Variants in DYNC1H1 observed in about 807,000 individuals in gnomAD.
DYNC1H1 encodes the protein dynein cytoplasmic 1 heavy chain 1.
In DYNC1H1, 51 loss-of-function variants were observed where a neutral mutation model predicts 527.1. The ratio of observed to expected loss-of-function variants is 0.10; its 90% CI spans 0.08 to 0.12. DYNC1H1 has a LOEUF of 0.12. Among genes scored for constraint, DYNC1H1 ranks in the 10% least tolerant of loss-of-function variants. The pLI is 1.00. For missense variants in DYNC1H1, 2,771 were observed against 5,971.8 expected (o/e 0.46, Z 17.66); for synonymous variants, 2,189 against 2,278.8 (o/e 0.96, Z 1.12).
At position 101,994,222 on chromosome 14, in the gene DYNC1H1, C is replaced by G. The variant is rs1595605066; in HGVS notation, c.3054C>G (p.Phe1018Leu). ...VHYELTEEEKFYRNALTRMPD... is the reference protein window; with the variant it reads ...VHYELTEEEKLYRNALTRMPD... Reference sequence around the variant, plus strand: ...ACGAATTGACTGAGGAAGAGAAATTCTATCGGAATGCTTTAACACGGATGC... The same window carrying G: ...ACGAATTGACTGAGGAAGAGAAATTGTATCGGAATGCTTTAACACGGATGC... Residue 1018 changes from phenylalanine (F) to leucine (L), a missense_variant, in exon 12 of 78, where the codon TTC becomes TTG. Transcript: ENST00000360184. The G allele has an allele frequency of 6.2e-7, 1 of 1,614,222 alleles. No homozygotes were observed. The highest frequency in any genetic ancestry group is 1.6e-4 in the Middle Eastern group (1 of 6,062).
rs757793470 is a variant in DYNC1H1 at position 102,043,942 on chromosome 14, T to C, written c.12581T>C (p.Leu4194Ser). The stretch of plus-strand genomic sequence containing the variant: ...TTTCATGCGATCATCCAAGAACGCT[T>C]ACGATACGCACCACTGGGGTGGTCA... Reference protein sequence around the residue: ...AWFHAIIQERLRYAPLGWSKK... With the variant: ...AWFHAIIQERSRYAPLGWSKK... The change falls in exon 70 of 78, where the codon TTA (leucine) becomes TCA (serine). Residue 4194 changes from leucine (L) to serine (S), a missense_variant. Leu to Ser is a moderately radical substitution (Grantham distance 145). Transcript: ENST00000360184. 1.9e-6 allele frequency: 3 copies of C among 1,614,112 alleles called. No individual in the cohort carries two copies. The South Asian group carries it at 3.3e-5, about 18-fold the overall frequency.
In DYNC1H1 at chr14:102,018,603, A is replaced by T; in HGVS notation, c.8330A>T (p.Tyr2777Phe). The T allele has an allele frequency of 6.2e-7, 1 of 1,613,854 alleles. No homozygotes were observed. Residue 2777 changes from tyrosine (Y) to phenylalanine (F), a missense_variant, in exon 41 of 78, where the codon TAC (tyrosine) becomes TTC (phenylalanine). Tyr to Phe is a conservative substitution (Grantham distance 22). This residue lies in a region of DYNC1H1 where 163 missense variants were observed against 346.9 expected (regional missense o/e 0.47). Transcript: ENST00000360184. This position sits in a 1 kb window ranked among gnomAD's most constrained non-coding sequence, Gnocchi z 5.2. Reference protein sequence around the residue: ...EPLTAAMVEFYTMSQERFTQD... With the variant: ...EPLTAAMVEFFTMSQERFTQD... ...CTCACTGCTGCCATGGTGGAGTTCT[A>T]CACCATGTCTCAGGTACGCAGAGTT...
At position 102,018,489 on chromosome 14, in the gene DYNC1H1, C is replaced by T. The variant is rs866647743; in HGVS notation, c.8216C>T (p.Pro2739Leu). ...GTGCCTGTCGTGTATGTGGATTACC[C>T]GGGCCCCGCCTCCCTCACACAGATC... Reference protein sequence around the residue: ...RHVPVVYVDYPGPASLTQIYG... With the variant: ...RHVPVVYVDYLGPASLTQIYG... Residue 2739 changes from proline (P) to leucine (L), a missense_variant, in exon 41 of 78, where the codon CCG (proline) becomes CTG (leucine). By Grantham distance (98) the Pro-to-Leu change is moderately conservative (BLOSUM62 -3). Transcript: ENST00000360184. The surrounding 1 kb of genome is among the most constrained non-coding windows in gnomAD (Gnocchi z 5.2). 6.2e-7 allele frequency: 1 copy of T among 1,613,896 alleles called. No individual in the cohort carries two copies.
Position 102,036,215 on chromosome 14 carries a change from G to T in DYNC1H1, c.10755-274G>T. The T allele has an allele frequency of 2.4e-6, 1 of 419,620 alleles. No homozygotes were observed. The highest frequency in any genetic ancestry group is 4.5e-6 in the Non-Finnish European group (1 of 222,546). The allele number at this position is 419,620 out of a possible 1,614,324, so 26.0% of individuals were successfully genotyped here. A position where few individuals can be genotyped will look rare whatever the true frequency, so the allele number is the denominator to read the frequency against. ...TAACAGTGCAGGATGCTGAGAGGAT[G>T]ATTGTCCCAGAAGGAAAAAGATTTT... On this transcript the variant is annotated intron_variant, in intron 56 of 77. Transcript: ENST00000360184. The surrounding 1 kb of genome is among the most constrained non-coding windows in gnomAD (Gnocchi z 5.6).
chr14:102,039,585 AGCAGGGTGCT>A lies in DYNC1H1; in HGVS notation c.11595+42_11596-41del. The A allele has an allele frequency of 6.2e-7, 1 of 1,614,184 alleles. No homozygotes were observed. The highest frequency in any genetic ancestry group is 8.5e-7 in the Non-Finnish European group (1 of 1,180,028). On this transcript the variant is annotated intron_variant, in intron 61 of 77. Transcript: ENST00000360184. This position sits in a 1 kb window ranked among gnomAD's most constrained non-coding sequence, Gnocchi z 7.0. ...CTCAGCCGCTCCCTGGCGGGGGGGA[AGCAGGGTGCT>A]GCTTCTCTTATGGAACAACATCGTC...
chr14:102,004,245 AAAATAAAT>A lies in DYNC1H1; in HGVS notation c.4884-253_4884-246del, dbSNP rs58406901. On this transcript the variant is annotated intron_variant, in intron 23 of 77. Transcript: ENST00000360184. Reference sequence around the variant, plus strand: ...GGCGACAGAGCAAGACTCCGTCTCAAAAATAAATAAATAAATAAATAAATAAAGTAACT... The same window carrying A: ...GGCGACAGAGCAAGACTCCGTCTCAAAAATAAATAAATAAATAAAGTAACT... Among the ~76,000 whole-genome samples, 35 of 151,242 alleles carry A rather than the reference AAAATAAAT, an allele frequency of 2.3e-4. No individual in the cohort carries two copies. In the East Asian group the frequency reaches 2.7e-3, roughly 12 times the overall value.
chr14:102,029,717 G>A lies in DYNC1H1; in HGVS notation c.9642+5G>A. The stretch of plus-strand genomic sequence containing the variant: ...ATCAAAGAGACAGTCGACCAGGTGC[G>A]TCACAGGCACAAATTCCTCACGGGA... On this transcript the variant is annotated splice_donor_5th_base_variant and intron_variant, in intron 49 of 77. Coordinates refer to ENST00000360184, the MANE Select transcript of DYNC1H1 (RefSeq NM_001376.5). The surrounding 1 kb of genome is among the most constrained non-coding windows in gnomAD (Gnocchi z 5.3). The A allele has an allele frequency of 6.2e-7, 1 of 1,614,164 alleles. No homozygotes were observed.
intron 27 of DYNC1H1, 82 bp from the exon 28 acceptor site, chr14:102,006,926 C>T (rs778049791): frequency 5.3e-6 from 8 of 1,495,692 alleles, no homozygotes; most frequent in Non-Finnish European, 6.5e-6. Flanking sequence ...AAATGAGTTG[C>T]TTTTTGTAGT....
At position 102,050,614 on chromosome 14, in the gene DYNC1H1, T is replaced by C. The variant is rs2048796884; in HGVS notation, c.*51T>C. 6.2e-7 allele frequency: 1 copy of C among 1,613,572 alleles called. No individual in the cohort carries two copies. The highest frequency in any genetic ancestry group is 1.7e-5 in the Admixed American group (1 of 59,996). ...ATAGTGAAAGTTGGTATTTAACATT[T>C]ATTCATTTTTAAAATATTTGGAAGG... On this transcript the variant is annotated 3_prime_UTR_variant, in exon 78 of 78. Coordinates refer to ENST00000360184, the MANE Select transcript of DYNC1H1 (RefSeq NM_001376.5).
Position 102,041,964 on chromosome 14 carries a change from A to G in DYNC1H1, c.12103-49A>G. On this transcript the variant is annotated intron_variant, in intron 65 of 77. Transcript: ENST00000360184. This position sits in a 1 kb window ranked among gnomAD's most constrained non-coding sequence, Gnocchi z 4.5. ...GGGGCTCTCCTTTCCCTTGACAGGT[A>G]CACACTATTTGCTGGCACTGTAATA... 1 of 1,593,390 alleles carries G rather than the reference A, an allele frequency of 6.3e-7. No homozygotes were observed. The highest frequency in any genetic ancestry group is 2.2e-5 in the East Asian group (1 of 44,726).
Position 101,983,689 on chromosome 14 carries a change from G to GT in DYNC1H1, c.1461+82dup. ...TGTTTGGTGTTTTTTTTTTGTTGTT[G>GT]TTGTTGAGATGAAGTTTCACTCTTG... On this transcript the variant is annotated intron_variant, in intron 7 of 77. Coordinates refer to ENST00000360184, the MANE Select transcript of DYNC1H1 (RefSeq NM_001376.5). The surrounding 1 kb of genome is among the most constrained non-coding windows in gnomAD (Gnocchi z 5.3). The GT allele has an allele frequency of 1.4e-6, 2 of 1,473,624 alleles. No homozygotes were observed. Among genetic ancestry groups the GT allele is most frequent in the African/African-American group, 2.9e-5 (2 of 68,182 alleles). The allele number at this position is 1,473,624 out of a possible 1,614,324, so 91.3% of individuals were successfully genotyped here.
chr14:102,051,047 G>T lies in DYNC1H1; in HGVS notation c.*484G>T. On this transcript the variant is annotated 3_prime_UTR_variant, in exon 78 of 78. Transcript: ENST00000360184. ...TCACACCTTTAATCGCAGCACTTTG[G>T]GAGTCTGGGAGTTAAAGACCAGCCT... 1 of 222,026 alleles carries T rather than the reference G, an allele frequency of 4.5e-6. No individual in the cohort carries two copies. Among genetic ancestry groups the T allele is most frequent in the Non-Finnish European group, 9.0e-6 (1 of 110,842 alleles). 13.8% of individuals were successfully genotyped at this position (222,026 alleles called of 1,614,324 possible). A position where few individuals can be genotyped will look rare whatever the true frequency, so the allele number is the denominator to read the frequency against.
At chr14:101,975,671 A>T in intron 1 of DYNC1H1, 41 bp from the exon 2 acceptor site, 1 of 1,555,504 alleles carries the variant, frequency 6.4e-7, no homozygotes, top group Non-Finnish European at 8.9e-7. Context: ...AAGAAATTGG[A>T]AATGTTGATA....
At chr14:101,996,232 C>T (rs1445837144) in intron 15 of DYNC1H1, among the ~76,000 whole-genome samples, 1 of 150,016 alleles carries the variant, frequency 6.7e-6, no homozygotes, top group East Asian at 2.0e-4. Context: ...TAGGTTCAAG[C>T]GATTCTCCTG....
At chr14:101,968,269 T>C (rs559597995) in intron 1 of DYNC1H1, among the ~76,000 whole-genome samples, 41 of 151,216 alleles carry the variant, frequency 2.7e-4, no homozygotes, top group African/African-American at 8.3e-4. Flanking sequence ...TTTTGTTTGT[T>C]TTTGGTGGGG....
At position 101,980,019 on chromosome 14, in the gene DYNC1H1, A is replaced by G. The variant is rs1200310450; in HGVS notation, c.774+45A>G. On this transcript the variant is annotated intron_variant, in intron 4 of 77. Transcript: ENST00000360184. Reference sequence around the variant, plus strand: ...AGTTATGTAAAATATGTTACTCTTTAATATCTTTGGGAAAACTGATCTGGA... The same window carrying G: ...AGTTATGTAAAATATGTTACTCTTTGATATCTTTGGGAAAACTGATCTGGA... 3 of 1,613,252 alleles carry G rather than the reference A, an allele frequency of 1.9e-6. No homozygotes were observed. In the African/African-American group the frequency reaches 4.0e-5, roughly 22 times the overall value.
intron 1 of DYNC1H1, among the ~76,000 whole-genome samples, chr14:101,973,111 C>T (rs372620181): frequency 5.3e-5 from 8 of 151,832 alleles, no homozygotes; most frequent in East Asian, 1.9e-4. Context: ...AATGTTCTGC[C>T]GCCTACTCCT....
In DYNC1H1 at chr14:102,010,661, G is replaced by A; in HGVS notation, c.6406-79G>A. ...CACCCTTTGTTCACCAACAGTTACTGATCACGCACCTCCTGGGGATGCAGC... is the reference window on the plus strand; with the variant it reads ...CACCCTTTGTTCACCAACAGTTACTAATCACGCACCTCCTGGGGATGCAGC... On this transcript the variant is annotated intron_variant, in intron 31 of 77. Coordinates refer to ENST00000360184, the MANE Select transcript of DYNC1H1 (RefSeq NM_001376.5). The surrounding 1 kb of genome is among the most constrained non-coding windows in gnomAD (Gnocchi z 6.0). 1 of 1,585,046 alleles carries A rather than the reference G, an allele frequency of 6.3e-7. No individual in the cohort carries two copies. The highest frequency in any genetic ancestry group is 8.6e-7 in the Non-Finnish European group (1 of 1,158,002).
In DYNC1H1 at chr14:102,011,738, A is replaced by G. The variant is rs2048260941; in HGVS notation, c.6619-137A>G. The G allele has an allele frequency of 1.5e-5, 13 of 879,420 alleles. No homozygotes were observed. Among genetic ancestry groups the G allele is most frequent in the Middle Eastern group, 6.5e-4 (2 of 3,092 alleles). 54.5% of individuals were successfully genotyped at this position (879,420 alleles called of 1,614,324 possible). On this transcript the variant is annotated intron_variant, in intron 32 of 77. Coordinates refer to ENST00000360184, the MANE Select transcript of DYNC1H1 (RefSeq NM_001376.5). This position sits in a 1 kb window ranked among gnomAD's most constrained non-coding sequence, Gnocchi z 5.3. The stretch of plus-strand genomic sequence containing the variant: ...CTGCATTCCAGTCTGGGTGACAGAG[A>G]GAGACTCCGTTTCAGGAAAAAAAAA...
Sources: gnomAD v4.1 joint callset for allele counts (sites outside exome capture counted in the v4.1 genomes callset) on GRCh38, gnomAD v4.1.1 for gene constraint, gnomAD v4.1.1 regional missense constraint, Gnocchi (gnomAD v3.1) non-coding constraint, MANE v1.5 for transcripts, NCBI Gene and HGNC (gene_info 2026-07-23, HGNC 2026-07-21) for gene names.